The following TYRO3 variants were observed in gnomAD, a reference collection of about 807,000 sequenced individuals.
TYRO3 encodes the protein tyrosine-protein kinase receptor TYRO3.
In TYRO3, 38 loss-of-function variants were observed where a neutral mutation model predicts 95.2. The ratio of observed to expected loss-of-function variants is 0.40; its 90% CI spans 0.31 to 0.52. The LOEUF (loss-of-function observed/expected upper bound fraction) is 0.52. TYRO3 is among the 20% of genes least tolerant of loss of function. The pLI is 0.56. For synonymous variants in TYRO3, 367 were observed against 432.9 expected (o/e 0.85, Z 1.89); for missense variants, 812 against 1,116.4 (o/e 0.73, Z 3.89).
chr15:41,561,714 G>A (rs1014740238), intron 3 of TYRO3, 75 bp downstream of exon 3: 59 of 1,170,976 alleles, frequency 5.0e-5, no homozygotes, highest in Non-Finnish European at 6.2e-5. Flanking sequence ...CTCTGCAGCG[G>A]AGAACTCAGT....
intron 14 of TYRO3, among the ~76,000 whole-genome samples, chr15:41,572,023 T>TA (rs1555396596): frequency 1.3e-5 from 2 of 149,650 alleles, no homozygotes; most frequent in East Asian, 3.9e-4. Flanking sequence ...ACAAAAAACA[T>TA]ACACACACAC....
chr15:41,571,154 T>C, intron 13 of TYRO3, 36 bp downstream of exon 13: 1 of 1,604,506 alleles, frequency 6.2e-7, no homozygotes, highest in Non-Finnish European at 8.5e-7. Flanking sequence ...AGGGCATCAC[T>C]TGGAAGGGTA....
chr15:41,564,314 A>C, intron 5 of TYRO3, 44 bp downstream of exon 5: 3 of 1,571,388 alleles, frequency 1.9e-6, no homozygotes, highest in Middle Eastern at 1.7e-4. Context: ...GGCCAGGGGC[A>C]TTCCCAGCGA....
intron 1 of TYRO3, among the ~76,000 whole-genome samples, chr15:41,560,345 C>A (rs1158286322): frequency 6.6e-6 from 1 of 151,732 alleles, no homozygotes; most frequent in Non-Finnish European, 1.5e-5. Context: ...CTTGACCTGC[C>A]CCTCTCTCTG....
chr15:41,570,542 A>C, intron 11 of TYRO3, 62 bp from the exon 12 acceptor site: 1 of 1,430,390 alleles, frequency 7.0e-7, no homozygotes, highest in South Asian at 1.2e-5. Context: ...CTGGGGTATA[A>C]GAGGCTGGGT....
At chr15:41,571,318 A>T (rs1276302161) in intron 13 of TYRO3, among the ~76,000 whole-genome samples, 200 bp downstream of exon 13, 1 of 152,220 alleles carries the variant, frequency 6.6e-6, no homozygotes, top group Admixed American at 6.5e-5. Context: ...GCTCTCTGCC[A>T]TCGGCAGTGA....
Position 41,571,676 on chromosome 15 carries a change from C to A in TYRO3, c.1742C>A (p.Ala581Asp). Reference protein sequence around the residue: ...CMKEFDHPHVAKLVGVSLRSR... With the variant: ...CMKEFDHPHVDKLVGVSLRSR... ...AAGGAGTTTGACCATCCACACGTGG[C>A]CAAACTTGTTGGTGAGCCCATTTTT... Residue 581 changes from alanine to aspartate, a missense_variant, in exon 14 of 19, where the codon GCC (alanine) becomes GAC (aspartate). Physicochemically the swap from Ala to Asp is moderately radical, Grantham distance 126. Coordinates refer to ENST00000263798, the MANE Select transcript of TYRO3 (RefSeq NM_006293.4). The A allele has an allele frequency of 6.2e-7, 1 of 1,609,914 alleles. No homozygotes were observed.
intron 18 of TYRO3, 56 bp from the exon 19 acceptor site, chr15:41,577,830 G>T: frequency 4.1e-6 from 6 of 1,460,766 alleles, no homozygotes; most frequent in South Asian, 1.3e-5. Context: ...TGATGAAGGG[G>T]CCCCTGCTTT....
In TYRO3 at chr15:41,564,248, C is replaced by T; in HGVS notation, c.645C>T (p.Arg215=). ...ACCTAAAAGGCCTGGCCTCTTCTCG[C>T]ACAGCCACTGTTCACCTTCAAGGTA... ...AHNLKGLASS[R]TATVHLQALP... The change falls in exon 5 of 19, where the codon CGC becomes CGT. Residue 215 remains arginine (R), a synonymous_variant. Coordinates refer to ENST00000263798, the MANE Select transcript of TYRO3 (RefSeq NM_006293.4). 6 of 1,614,138 alleles carry T rather than the reference C, an allele frequency of 3.7e-6. No individual in the cohort carries two copies. In the South Asian group the frequency reaches 5.5e-5, roughly 15 times the overall value.
intron 18 of TYRO3, among the ~76,000 whole-genome samples, chr15:41,575,484 G>C (rs936505830): frequency 3.9e-5 from 6 of 152,256 alleles, no homozygotes; most frequent in African/African-American, 1.2e-4. Context: ...ACAGGCGCCA[G>C]TTGGCTCCTA....
intron 9 of TYRO3, 38 bp downstream of exon 9, chr15:41,569,060 G>C (rs2055762032): frequency 7.5e-6 from 12 of 1,609,678 alleles, no homozygotes; most frequent in Non-Finnish European, 1.0e-5. Context: ...AGGCTCAGGG[G>C]ATCAAGGTTT....
chr15:41,572,436 G>T lies in TYRO3; in HGVS notation c.1754-7G>T, dbSNP rs376417800. 62 of 1,039,128 alleles carry T rather than the reference G, an allele frequency of 6.0e-5. No homozygotes were observed. Among genetic ancestry groups the T allele is most frequent in the Non-Finnish European group, 6.9e-5 (49 of 706,406 alleles). The allele number at this position is 1,039,128 out of a possible 1,614,324, so 64.4% of individuals were successfully genotyped here. ...TATGCTCAGCTCCTGACTCTCCCTT[G>T]TCCCAGGGGTAAGCCTCCGGAGCAG... On this transcript the variant is annotated splice_polypyrimidine_tract_variant and splice_region_variant and intron_variant, in intron 14 of 18. Coordinates refer to ENST00000263798, the MANE Select transcript of TYRO3 (RefSeq NM_006293.4).
At position 41,571,092 on chromosome 15, in the gene TYRO3, T is replaced by G. The variant is rs36023830; in HGVS notation, c.1634T>G (p.Val545Gly). The G allele has an allele frequency of 4.1e-4, 656 of 1,613,976 alleles. 1 individual carries two copies. The highest frequency in any genetic ancestry group is 5.2e-4 in the Non-Finnish European group (609 of 1,179,966). ...AQLKQEDGSF[V>G]KVAVKMLKAD... is the part of the protein sequence containing the mutation. ...CTGAAGCAAGAGGATGGCTCCTTTG[T>G]GAAAGTGGCTGTGAAGATGCTGAAA... Residue 545 changes from valine to glycine, a missense_variant, in exon 13 of 19, where the codon GTG (valine) becomes GGG (glycine). Coordinates refer to ENST00000263798, the MANE Select transcript of TYRO3 (RefSeq NM_006293.4).
chr15:41,576,155 C>G (rs899124395), intron 18 of TYRO3, among the ~76,000 whole-genome samples: 4 of 150,044 alleles, frequency 2.7e-5, no homozygotes, highest in African/African-American at 9.8e-5. Context: ...GAGCTGGAAG[C>G]TTTTTCCAGA....
At chr15:41,571,255 C>T (rs1025872097) in intron 13 of TYRO3, 137 bp downstream of exon 13, 5 of 786,786 alleles carry the variant, frequency 6.4e-6, no homozygotes, top group African/African-American at 5.1e-5. Flanking sequence ...CTCTTTACCA[C>T]ACGAATAATT....
Position 41,577,937 on chromosome 15 carries a change from C to G in TYRO3, c.2334C>G (p.Ser778Arg), listed in dbSNP as rs2055880057. 3.7e-6 allele frequency: 6 copies of G among 1,613,400 alleles called. No individual in the cohort carries two copies. The highest frequency in any genetic ancestry group is 5.1e-6 in the Non-Finnish European group (6 of 1,180,044). The change falls in exon 19 of 19, where the codon AGC becomes AGG. Residue 778 changes from serine (S) to arginine (R), a missense_variant. Physicochemically the swap from Ser to Arg is moderately radical, Grantham distance 110 (BLOSUM62 -1). Coordinates refer to ENST00000263798, the MANE Select transcript of TYRO3 (RefSeq NM_006293.4). ...GTGCTGACCCCAAGCAGCGCCCGAG[C>G]TTTACTTGTCTGCGAATGGAACTGG... ...CWSADPKQRP[S>R]FTCLRMELEN... is the part of the protein sequence containing the mutation.
In TYRO3 at chr15:41,567,460, G is replaced by A. The variant is rs1446651175; in HGVS notation, c.884G>A (p.Ser295Asn). The A allele has an allele frequency of 6.2e-7, 1 of 1,609,166 alleles. No homozygotes were observed. The highest frequency in any genetic ancestry group is 8.5e-7 in the Non-Finnish European group (1 of 1,178,200). ...GACCTGGTGCCTGCCACCAACTACA[G>A]CCTCAGGGTGCGCTGTGCCAATGCC... Reference protein sequence around the residue: ...LRDLVPATNYSLRVRCANALG... With the variant: ...LRDLVPATNYNLRVRCANALG... Residue 295 changes from serine (S) to asparagine (N), a missense_variant, in exon 7 of 19, where the codon AGC becomes AAC. By Grantham distance (46) the Ser-to-Asn change is conservative. Coordinates refer to ENST00000263798, the MANE Select transcript of TYRO3 (RefSeq NM_006293.4).
At chr15:41,560,431 G>GTGTGTGTGTT (rs2055636619) in intron 1 of TYRO3, among the ~76,000 whole-genome samples, 2 of 122,858 alleles carry the variant, frequency 1.6e-5, no homozygotes, top group East Asian at 4.2e-4. Context: ...GTGTGTGTGC[G>GTGTGTGTGTT]CGCGCGCGCG....
In TYRO3 at chr15:41,570,014, C is replaced by T; in HGVS notation, c.1253-13C>T. ...GTCATCCTAGCTCATGCCACTGCAC[C>T]TCCCTCCCACAGGCCAGCAGGGCCC... On this transcript the variant is annotated splice_polypyrimidine_tract_variant and intron_variant, in intron 9 of 18. Coordinates refer to ENST00000263798, the MANE Select transcript of TYRO3 (RefSeq NM_006293.4). 1.9e-6 allele frequency: 3 copies of T among 1,610,848 alleles called. No individual in the cohort carries two copies. The highest frequency in any genetic ancestry group is 2.5e-6 in the Non-Finnish European group (3 of 1,179,434).
Sources: allele counts gnomAD v4.1 joint callset (sites outside exome capture counted in the v4.1 genomes callset), GRCh38; gene constraint gnomAD v4.1.1; transcripts MANE v1.5; gene names NCBI Gene and HGNC (gene_info 2026-07-23, HGNC 2026-07-21).